The following GPC5 variants were observed in gnomAD, a reference collection of about 807,000 sequenced individuals.
GPC5 encodes the protein glypican 5.
GPC5 carries 47 observed loss-of-function variants against 53.9 expected under a neutral mutation model. The observed-to-expected ratio is 0.87, with a 90% confidence interval of 0.69 to 1.11. GPC5 has a LOEUF of 1.11. Ranked by LOEUF, GPC5 falls within the 50% of genes most tolerant of loss-of-function variation. The pLI is 0.00. For synonymous variants in GPC5, 286 were observed against 263.3 expected, an observed-to-expected ratio of 1.09 and a Z score of -0.84; for missense variants, 748 against 713.1, an observed-to-expected ratio of 1.05 and a Z score of -0.56.
At chr13:92,307,961 TTTA>T (rs2043121751) in intron 7 of GPC5, among the ~76,000 whole-genome samples, 1 of 152,194 alleles carries the variant, frequency 6.6e-6, no homozygotes, top group Non-Finnish European at 1.5e-5. Context: ...GGCTACATTT[TTTA>T]TTGTCAGATG....
chr13:91,497,097 C>T (rs570592768), intron 2 of GPC5, among the ~76,000 whole-genome samples: 3 of 151,560 alleles, frequency 2.0e-5, no homozygotes, highest in African/African-American at 7.3e-5. Context: ...ATATTTAAAA[C>T]AAATAATGGC....
At chr13:92,157,769 C>T (rs1027407122) in intron 7 of GPC5, among the ~76,000 whole-genome samples, 2 of 152,052 alleles carry the variant, frequency 1.3e-5, no homozygotes, top group African/African-American at 4.8e-5. Flanking sequence ...TATTCCCCTC[C>T]CCTTTTCATA....
intron 7 of GPC5, among the ~76,000 whole-genome samples, chr13:92,399,374 A>G (rs1771568415): frequency 1.3e-5 from 2 of 152,198 alleles, no homozygotes; most frequent in Admixed American, 1.3e-4. Flanking sequence ...GATCTCATAT[A>G]GATTATCCTG....
At chr13:91,413,133 C>T (rs1030565269) in intron 1 of GPC5, among the ~76,000 whole-genome samples, 1 of 152,068 alleles carries the variant, frequency 6.6e-6, no homozygotes, top group African/African-American at 2.4e-5. Flanking sequence ...ATTAAAAAAT[C>T]AACCAGGTGT....
At chr13:91,961,554 CAT>C (rs2040125693) in intron 6 of GPC5, among the ~76,000 whole-genome samples, 2 of 151,832 alleles carry the variant, frequency 1.3e-5, no homozygotes, top group South Asian at 4.2e-4. Flanking sequence ...CAGAAATGCA[CAT>C]GTGTAACAAA....
chr13:92,697,738 T>G, intron 7 of GPC5, among the ~76,000 whole-genome samples: 1 of 152,208 alleles, frequency 6.6e-6, no homozygotes, highest in Non-Finnish European at 1.5e-5. Context: ...CTATGTTGAA[T>G]AGGAGTGGTG....
chr13:91,651,718 C>CAAAAA (rs36117858), intron 2 of GPC5, among the ~76,000 whole-genome samples: 10 of 91,878 alleles, frequency 1.1e-4, no homozygotes, highest in African/African-American at 2.8e-4. Context: ...AACTCAGTCT[C>CAAAAA]AAAAAAAAAA....
chr13:92,247,353 G>A (rs1187108120), intron 7 of GPC5, among the ~76,000 whole-genome samples: 1 of 152,088 alleles, frequency 6.6e-6, no homozygotes, highest in East Asian at 1.9e-4. Context: ...ATGTGGATTA[G>A]TTAACTGTCT....
rs565972604 is a variant in GPC5 at position 91,868,238 on chromosome 13, G to A, written c.1281-39699G>A. 6.6e-5 allele frequency among the ~76,000 whole-genome samples: 10 copies of A among 152,250 alleles called. No homozygotes were observed. The South Asian group carries it at 1.9e-3, about 28-fold the overall frequency. On this transcript the variant is annotated intron_variant, in intron 5 of 7. Transcript: ENST00000377067. ...AATTAGCCTTTAGTGAAGAATTTAGGAACTGGTCAACCATGTCAGAAACAG... is the reference window on the plus strand; with the variant it reads ...AATTAGCCTTTAGTGAAGAATTTAGAAACTGGTCAACCATGTCAGAAACAG...
At chr13:92,455,541 T>C (rs558323567) in intron 7 of GPC5, among the ~76,000 whole-genome samples, 5 of 152,158 alleles carry the variant, frequency 3.3e-5, no homozygotes, top group Admixed American at 6.5e-5. Context: ...GATTTTATAA[T>C]GTATACTATG....
chr13:92,359,933 TG>T (rs1003780679), intron 7 of GPC5, among the ~76,000 whole-genome samples: 6 of 151,768 alleles, frequency 4.0e-5, no homozygotes, highest in Admixed American at 6.6e-5. Flanking sequence ...TAAGGTTGTT[TG>T]TTTTTTTTCT....
rs552151690 is a variant in GPC5, at chr13:92,464,785, C to T, written c.1561+319796C>T. Among the ~76,000 whole-genome samples, 649 of 151,892 alleles carry T rather than the reference C, an allele frequency of 4.3e-3. 8 individuals carry two copies. Among genetic ancestry groups the T allele is most frequent in the South Asian group, 6.8e-3 (33 of 4,828 alleles). ...CATGATAGAATTAGAATATGCTCAACGTGTGTTTGTTTATGGGCTCCAAAT... is the reference window on the plus strand; with the variant it reads ...CATGATAGAATTAGAATATGCTCAATGTGTGTTTGTTTATGGGCTCCAAAT... On this transcript the variant is annotated intron_variant, in intron 7 of 7. Transcript: ENST00000377067.
chr13:92,388,325 AATG>A (rs1874839057), intron 7 of GPC5, among the ~76,000 whole-genome samples: 1 of 152,054 alleles, frequency 6.6e-6, no homozygotes, highest in African/African-American at 2.4e-5. Flanking sequence ...TGCTAGAAAA[AATG>A]ATAAGCTTAG....
intron 7 of GPC5, among the ~76,000 whole-genome samples, chr13:92,761,898 A>G (rs1336949701): frequency 6.6e-6 from 1 of 152,120 alleles, no homozygotes; most frequent in Non-Finnish European, 1.5e-5. Flanking sequence ...AGAGAAAAAG[A>G]AAACCTGGCA....
At chr13:92,247,590 C>T (rs1186524263) in intron 7 of GPC5, among the ~76,000 whole-genome samples, 1 of 151,998 alleles carries the variant, frequency 6.6e-6, no homozygotes, top group Non-Finnish European at 1.5e-5. Context: ...TACACTGCCC[C>T]TTATGTTTGT....
intron 7 of GPC5, chr13:92,509,577 A>T (rs1188813969): frequency 6.6e-6 from 1 of 152,218 alleles, no homozygotes; most frequent in African/African-American, 2.4e-5. Context: ...GAAAGCAGAT[A>T]AAGATGTGAT....
At chr13:92,421,220 G>C (rs1232924142) in intron 7 of GPC5, among the ~76,000 whole-genome samples, 1 of 152,150 alleles carries the variant, frequency 6.6e-6, no homozygotes, top group Admixed American at 6.5e-5. Context: ...TGGTATTAGA[G>C]AATTCACAAC....
intron 5 of GPC5, among the ~76,000 whole-genome samples, chr13:91,871,448 T>G (rs901975171): frequency 8.6e-5 from 13 of 151,990 alleles, no homozygotes; most frequent in Admixed American, 2.6e-4. Flanking sequence ...AACAAATCCC[T>G]GTGATGTATG....
chr13:92,704,517 C>CTTTCAAGAATA (rs1171574665), intron 7 of GPC5, among the ~76,000 whole-genome samples: 1 of 151,894 alleles, frequency 6.6e-6, no homozygotes, highest in Non-Finnish European at 1.5e-5. Flanking sequence ...AAGCAAAATC[C>CTTTCAAGAATA]TTTCAAGAAT....
Sources: allele counts gnomAD v4.1 joint callset (sites outside exome capture counted in the v4.1 genomes callset), GRCh38; gene constraint gnomAD v4.1.1; transcripts MANE v1.5; gene names NCBI Gene and HGNC (gene_info 2026-07-23, HGNC 2026-07-21).